POU2F1: variants seen among roughly 807,000 people sequenced by gnomAD.
POU2F1 encodes POU class 2 homeobox 1.
POU2F1 carries 16 observed loss-of-function variants against 84.9 expected under a neutral mutation model. The ratio of observed to expected loss-of-function variants is 0.19; its 90% CI spans 0.13 to 0.29. The LOEUF is 0.29. Ranked by LOEUF, POU2F1 falls within the 10% of genes least tolerant of loss-of-function variation. The pLI is 1.00. For synonymous variants in POU2F1, 368 were observed against 368.3 expected (o/e 1.00, Z 0.01); for missense variants, 738 against 942.6 (o/e 0.78, Z 2.84).
Position 167,303,142 on chromosome 1 carries a change from GT to G in POU2F1, c.62-29317del, listed in dbSNP as rs548782077. Among the ~76,000 whole-genome samples the G allele has an allele frequency of 6.5e-3, 952 of 146,688 alleles. 5 individuals are homozygous for G. Among genetic ancestry groups the G allele is most frequent in the Non-Finnish European group, 0.011 (752 of 66,158 alleles). ...GGTTAATGTCAAATGTGGAGATCAG[GT>G]TTTTTTTTTTATGTTAGTGAAATGC... is the stretch of plus-strand genomic sequence containing the variant. On this transcript the variant is annotated intron_variant, in intron 1 of 15. Coordinates refer to ENST00000367866, the MANE Select transcript of POU2F1 (RefSeq NM_002697.4).
intron 1 of POU2F1, among the ~76,000 whole-genome samples, chr1:167,244,874 A>G (rs1238509922): frequency 6.6e-6 from 1 of 152,204 alleles, no homozygotes; most frequent in African/African-American, 2.4e-5. Context: ...GGAAGCCTGT[A>G]TATGGGGAGT....
At chr1:167,342,918 G>T (rs1414266710) in intron 2 of POU2F1, among the ~76,000 whole-genome samples, 1 of 151,964 alleles carries the variant, frequency 6.6e-6, no homozygotes, top group Non-Finnish European at 1.5e-5. Context: ...TTAATTAGTG[G>T]GTCATTGAAA....
rs1197814755 is a variant in POU2F1 at position 167,358,716 on chromosome 1, CTTTTTTT to C, written c.128-6736_128-6730del. 1.2e-3 allele frequency among the ~76,000 whole-genome samples: 47 copies of C among 38,354 alleles called. 4 individuals carry two copies. The East Asian group carries it at 0.048, about 39-fold the overall frequency. 25.2% of individuals were successfully genotyped at this position (38,354 alleles called of 152,430 possible). On this transcript the variant is annotated intron_variant, in intron 2 of 15. Coordinates refer to ENST00000367866, the MANE Select transcript of POU2F1 (RefSeq NM_002697.4). ...TTCTTAATCTTTTTATTATCTGCAG[CTTTTTTT>C]TTTTTTTTTTTTTTGAGACAGGTTC...
rs1650688459 is a variant in POU2F1, at chr1:167,422,152, C to G, written c.*6342C>G. The G allele has an allele frequency of 6.6e-6, 1 of 152,196 alleles. No homozygotes were observed. The highest frequency in any genetic ancestry group is 6.5e-5 in the Admixed American group (1 of 15,272). 9.4% of individuals were successfully genotyped at this position (152,196 alleles called of 1,614,324 possible). On this transcript the variant is annotated 3_prime_UTR_variant, in exon 16 of 16. Transcript: ENST00000367866. ...CCCTTCCTATGGTTGCCCATGCCCCCCAGACCCTGCCAACCTCTCCTAATG... is the reference window on the plus strand; with the variant it reads ...CCCTTCCTATGGTTGCCCATGCCCCGCAGACCCTGCCAACCTCTCCTAATG...
intron 1 of POU2F1, among the ~76,000 whole-genome samples, chr1:167,299,163 C>CAA (rs71073663): frequency 2.2e-3 from 208 of 96,678 alleles, no homozygotes; most frequent in African/African-American, 3.3e-3. Flanking sequence ...AACGCCATCT[C>CAA]AAAAAAAAAA....
intron 1 of POU2F1, among the ~76,000 whole-genome samples, chr1:167,314,456 T>G (rs567565396): frequency 6.6e-6 from 1 of 152,104 alleles, no homozygotes; most frequent in Non-Finnish European, 1.5e-5. Flanking sequence ...GTTACAGGTA[T>G]TCTGAAAAAT....
intron 13 of POU2F1, among the ~76,000 whole-genome samples, chr1:167,403,479 T>C (rs1313044042): frequency 1.3e-5 from 2 of 152,240 alleles, no homozygotes; most frequent in Non-Finnish European, 2.9e-5. Context: ...CTTACTCTTT[T>C]ATCAGCCGTT....
At chr1:167,405,180 C>T (rs977532011) in intron 13 of POU2F1, among the ~76,000 whole-genome samples, 6 of 152,072 alleles carry the variant, frequency 3.9e-5, no homozygotes, top group African/African-American at 1.2e-4. Context: ...AAACATGCCC[C>T]GCCCCCAATT....
chr1:167,275,492 C>T (rs1652667041), intron 1 of POU2F1, among the ~76,000 whole-genome samples: 1 of 151,926 alleles, frequency 6.6e-6, no homozygotes, highest in Non-Finnish European at 1.5e-5. Flanking sequence ...CTTGTTCTTT[C>T]TGAAATTGAA....
intron 3 of POU2F1, among the ~76,000 whole-genome samples, chr1:167,368,868 G>A (rs113752582): frequency 3.3e-5 from 5 of 152,218 alleles, no homozygotes; most frequent in African/African-American, 1.2e-4. Flanking sequence ...GATGCTATCT[G>A]GTGTATACAA....
At chr1:167,259,910 G>A (rs867472820) in intron 1 of POU2F1, among the ~76,000 whole-genome samples, 8 of 150,220 alleles carry the variant, frequency 5.3e-5, no homozygotes, top group Admixed American at 2.7e-4. Context: ...ACAGAGTCTC[G>A]CTCTGTCGCC....
At chr1:167,271,087 T>C (rs939957442) in intron 1 of POU2F1, among the ~76,000 whole-genome samples, 1 of 152,264 alleles carries the variant, frequency 6.6e-6, no homozygotes, top group African/African-American at 2.4e-5. Flanking sequence ...GTTTTAATTA[T>C]TTAAATAACT....
intron 1 of POU2F1, among the ~76,000 whole-genome samples, chr1:167,247,208 T>C (rs1300819261): frequency 2.0e-5 from 3 of 152,158 alleles, no homozygotes; most frequent in African/African-American, 7.2e-5. Flanking sequence ...CTCAAGTAAC[T>C]GAGACCATAG....
chr1:167,230,452 G>T (rs934840975), intron 1 of POU2F1, among the ~76,000 whole-genome samples: 2 of 152,074 alleles, frequency 1.3e-5, no homozygotes, highest in Non-Finnish European at 2.9e-5. Context: ...GGCAAAAGTG[G>T]AGCTGTTCTG....
intron 1 of POU2F1, among the ~76,000 whole-genome samples, chr1:167,237,464 A>G (rs1649551536): frequency 6.6e-6 from 1 of 151,924 alleles, no homozygotes; most frequent in Non-Finnish European, 1.5e-5. Flanking sequence ...TTATCAAGTA[A>G]TTTTTGTATT....
At chr1:167,408,962 T>C (rs1649774488) in intron 13 of POU2F1, among the ~76,000 whole-genome samples, 1 of 152,252 alleles carries the variant, frequency 6.6e-6, no homozygotes, top group East Asian at 1.9e-4. Flanking sequence ...AGTTCCTTTA[T>C]TGGATATGTG....
chr1:167,292,354 T>C lies in POU2F1; in HGVS notation c.62-40116T>C, dbSNP rs138921603. Among the ~76,000 whole-genome samples, 1,352 of 152,144 alleles carry C rather than the reference T, an allele frequency of 8.9e-3. 20 individuals are homozygous for C. Among genetic ancestry groups the C allele is most frequent in the African/African-American group, 0.031 (1,269 of 41,498 alleles). ...TTGCTTGGAATTTTTATCTGCACTT[T>C]CCATTTTGAATATTATTGTTAGTTG... is the stretch of plus-strand genomic sequence containing the variant. On this transcript the variant is annotated intron_variant, in intron 1 of 15. Transcript: ENST00000367866.
chr1:167,275,030 G>GTTTT (rs1202443333), intron 1 of POU2F1, among the ~76,000 whole-genome samples: 4 of 120,802 alleles, frequency 3.3e-5, no homozygotes, highest in African/African-American at 1.2e-4. Context: ...TCAAATAAAT[G>GTTTT]TATTTTTTTT....
intron 1 of POU2F1, among the ~76,000 whole-genome samples, chr1:167,316,815 G>A (rs1230938203): frequency 6.6e-6 from 1 of 152,190 alleles, no homozygotes; most frequent in Non-Finnish European, 1.5e-5. Flanking sequence ...ACAAAACAAG[G>A]CTTATTTTTT....
Sources: gnomAD v4.1 joint callset for allele counts (sites outside exome capture counted in the v4.1 genomes callset) on GRCh38, gnomAD v4.1.1 for gene constraint, MANE v1.5 for transcripts, NCBI Gene and HGNC (gene_info 2026-07-23, HGNC 2026-07-21) for gene names.